ITIH6: variants seen among roughly 807,000 people sequenced by gnomAD.
ITIH6 encodes inter-alpha-trypsin inhibitor heavy chain family member 6, also known as inter-alpha-trypsin inhibitor heavy chain H6.
ITIH6 carries 60 observed loss-of-function variants against 58.2 expected under a neutral mutation model. The ratio of observed to expected loss-of-function variants is 1.03; its 90% CI spans 0.84 to 1.28. ITIH6 has a LOEUF of 1.28. Among genes scored for constraint, ITIH6 ranks in the 50% most tolerant of loss-of-function variants. The pLI, the probability that ITIH6 is intolerant of heterozygous loss-of-function variation, is 0.00. For missense variants in ITIH6, 1,290 were observed against 1,021.1 expected (o/e 1.26, Z -3.59); for synonymous variants, 493 against 417.4 (o/e 1.18, Z -2.21).
chrX:54,749,535 T>G lies in ITIH6; in HGVS notation c.*360A>C. 1 of 166,784 alleles carries G rather than the reference T, an allele frequency of 6.0e-6. No homozygotes were observed. The allele number at this position is 166,784 out of a possible 1,213,427, so 13.7% of individuals were successfully genotyped here. A position where few individuals can be genotyped will look rare whatever the true frequency, so the allele number is the denominator to read the frequency against. ...GTCCAGTGGTAGGAGTGAGCATGGT[T>G]TGTTAGGGAAACTCTGAGAGCCTTG... On this transcript the variant is annotated 3_prime_UTR_variant, in exon 13 of 13. Transcript: ENST00000218436.
chrX:54,750,926 A>G (rs532806724), intron 12 of ITIH6, 77 bp downstream of exon 12: 5 of 999,458 alleles, frequency 5.0e-6, no homozygotes, highest in South Asian at 2.5e-5. Context: ...TGTTGGGGAT[A>G]TACATGCCTT....
intron 2 of ITIH6, among the ~76,000 whole-genome samples, chrX:54,796,443 T>C (rs1300942007): frequency 9.0e-6 from 1 of 111,642 alleles, no homozygotes; most frequent in Non-Finnish European, 1.9e-5. Context: ...CCCAGCACTT[T>C]GGGAGGCCGA....
rs1436557229 is a variant in ITIH6, at chrX:54,750,068, G to A, written c.3769C>T (p.Pro1257Ser). ...QHADIRLVTG[P>S]MGPCLRRHHG... is the part of the protein sequence containing the mutation. The stretch of plus-strand genomic sequence containing the variant: ...TGCCTTCGTAAGCATGGCCCCATAG[G>A]TCCTGTCACCAGTCGGATGTCTGCG... The change falls in exon 13 of 13, where the codon CCT (proline) becomes TCT (serine). Residue 1257 changes from proline to serine, a missense_variant. Physicochemically the swap from Pro to Ser is moderately conservative, Grantham distance 74 (BLOSUM62 -1). Coordinates refer to ENST00000218436, the MANE Select transcript of ITIH6 (RefSeq NM_198510.3). 8.3e-7 allele frequency: 1 copy of A among 1,210,755 alleles called. No homozygotes were observed. The highest frequency in any genetic ancestry group is 1.1e-6 in the Non-Finnish European group (1 of 894,827).
rs1283556472 is a variant in ITIH6 at position 54,757,763 on chromosome X, G to A, written c.2311C>T (p.Pro771Ser). ...PPVKPGIPASPKADTVKCVTP... is the reference protein window; with the variant it reads ...PPVKPGIPASSKADTVKCVTP... ...ACACATTTCACAGTGTCAGCTTTGG[G>A]CGAGGCTGGGATGCCAGGTTTCACA... Residue 771 changes from proline to serine, a missense_variant, in exon 8 of 13, where the codon CCC becomes TCC. Coordinates refer to ENST00000218436, the MANE Select transcript of ITIH6 (RefSeq NM_198510.3). 1 of 1,209,772 alleles carries A rather than the reference G, an allele frequency of 8.3e-7. No homozygotes were observed. Among genetic ancestry groups the A allele is most frequent in the Non-Finnish European group, 1.1e-6 (1 of 895,177 alleles).
At chrX:54,752,858 G>A (rs1198789362) in intron 11 of ITIH6, among the ~76,000 whole-genome samples, 2 of 112,373 alleles carry the variant, frequency 1.8e-5, no homozygotes, top group African/African-American at 3.2e-5. Context: ...AGGTAGAAGT[G>A]GTTCATTCAA....
At chrX:54,751,878 G>T (rs1225023396) in intron 11 of ITIH6, among the ~76,000 whole-genome samples, 1 of 111,735 alleles carries the variant, frequency 8.9e-6, no homozygotes. Context: ...GTCATTGTTT[G>T]GCTTGGCAGG....
At chrX:54,763,460 C>T (rs1367409320) in intron 6 of ITIH6, among the ~76,000 whole-genome samples, 1 of 111,993 alleles carries the variant, frequency 8.9e-6, no homozygotes, top group Non-Finnish European at 1.9e-5. Flanking sequence ...TTTGAGATTT[C>T]CCAGCTATCT....
intron 6 of ITIH6, among the ~76,000 whole-genome samples, chrX:54,762,445 A>C (rs1928668077): frequency 9.0e-6 from 1 of 111,539 alleles, no homozygotes; most frequent in Non-Finnish European, 1.9e-5. Flanking sequence ...TTCTGCTGTA[A>C]TCTGCTCTTC....
At position 54,758,271 on chromosome X, in the gene ITIH6, A is replaced by G. The variant is rs1463627824; in HGVS notation, c.1803T>C (p.Phe601=). The part of the protein sequence containing the change: ...KVLNLSLEYN[F]VTPLTSLVMV... ...TGACCAGTGAAGTCAGAGGTGTGAC[A>G]AAGTTGTATTCAAGGGACAGGTTGA... The change falls in exon 8 of 13, where the codon TTT becomes TTC. Residue 601 remains phenylalanine, a synonymous_variant. Coordinates refer to ENST00000218436, the MANE Select transcript of ITIH6 (RefSeq NM_198510.3). 2.5e-6 allele frequency: 3 copies of G among 1,211,426 alleles called. No homozygotes were observed. Among genetic ancestry groups the G allele is most frequent in the Non-Finnish European group, 2.2e-6 (2 of 895,204 alleles).
intron 2 of ITIH6, among the ~76,000 whole-genome samples, chrX:54,792,684 G>C (rs1391848609): frequency 2.7e-5 from 3 of 111,668 alleles, no homozygotes; most frequent in African/African-American, 9.8e-5. Flanking sequence ...CTCAGAGACT[G>C]ATGAGTTACA....
Position 54,757,883 on chromosome X carries a change from AG to A in ITIH6, c.2190del (p.Ser731GlnfsTer9). The part of the protein sequence containing the change: ...TLRTKPTILV[P>X]SNSGTLLPLK... ...AGAGGCAACAGAGTACCAGAATTTG[AG>A]GGCACAAGAATGGTAGGTTTTGTCC... is the stretch of plus-strand genomic sequence containing the variant. On this transcript the variant is annotated frameshift_variant, in exon 8 of 13. Transcript: ENST00000218436. LOFTEE classifies it high-confidence loss of function. 1 of 1,211,425 alleles carries A rather than the reference AG, an allele frequency of 8.3e-7. No homozygotes were observed.
chrX:54,762,905 T>A (rs5961131), intron 6 of ITIH6, among the ~76,000 whole-genome samples: 10,931 of 111,189 alleles, frequency 0.098, 1,315 homozygotes, highest in African/African-American at 0.34. Context: ...GCACTGTGCT[T>A]AACCCTTTTG....
At position 54,759,822 on chromosome X, in the gene ITIH6, T is replaced by C; in HGVS notation, c.1009A>G (p.Ile337Val). 1 of 1,210,826 alleles carries C rather than the reference T, an allele frequency of 8.3e-7. No individual in the cohort carries two copies. The highest frequency in any genetic ancestry group is 2.2e-5 in the Admixed American group (1 of 46,049). The change falls in exon 7 of 13, where the codon ATC (isoleucine) becomes GTC (valine). Residue 337 changes from isoleucine to valine, a missense_variant. Transcript: ENST00000218436. ...TGGACATTCTGGATGGTGGCCTGGA[T>C]TGAGCCTCCAGCTTTCCAAACATTA... is the stretch of plus-strand genomic sequence containing the variant. ...TVNVWKAGGS[I>V]QATIQNVHSA...
intron 4 of ITIH6, 102 bp downstream of exon 4, chrX:54,790,735 T>C: frequency 9.7e-7 from 1 of 1,027,564 alleles, no homozygotes; most frequent in Non-Finnish European, 1.3e-6. Flanking sequence ...TGGCAGTGAG[T>C]ACAGAGCAGA....
Position 54,751,096 on chromosome X carries a change from G to T in ITIH6, c.3637C>A (p.Arg1213Ser). 8.3e-7 allele frequency: 1 copy of T among 1,205,615 alleles called. No individual in the cohort carries two copies. Among genetic ancestry groups the T allele is most frequent in the Non-Finnish European group, 1.1e-6 (1 of 892,463 alleles). Reference protein sequence around the residue: ...PYLEFLVLRHRYRHPSTLQLP... With the variant: ...PYLEFLVLRHSYRHPSTLQLP... ...TGCAGGGTACTGGGATGCCTGTAGC[G>T]GTGTCGGAGGACTAGGAACTCAAGG... The change falls in exon 12 of 13, where the codon CGC becomes AGC. Residue 1213 changes from arginine (R) to serine (S), a missense_variant. Coordinates refer to ENST00000218436, the MANE Select transcript of ITIH6 (RefSeq NM_198510.3).
intron 6 of ITIH6, among the ~76,000 whole-genome samples, chrX:54,764,546 G>T (rs1928726986): frequency 1.9e-5 from 2 of 106,201 alleles, no homozygotes; most frequent in Admixed American, 1.0e-4. Flanking sequence ...TACTGAGAAT[G>T]ATGGTTTCCA....
intron 6 of ITIH6, among the ~76,000 whole-genome samples, chrX:54,769,406 G>T (rs2147610284): frequency 9.9e-6 from 1 of 100,742 alleles, no homozygotes; most frequent in Admixed American, 1.1e-4. Context: ...ATCCAGCTTT[G>T]TTCCGTTGCT....
chrX:54,768,837 G>C (rs1233745273), intron 6 of ITIH6, among the ~76,000 whole-genome samples: 2 of 105,552 alleles, frequency 1.9e-5, no homozygotes, highest in Admixed American at 2.0e-4. Flanking sequence ...CAACTTTGGT[G>C]AGTCTGACAA....
intron 8 of ITIH6, among the ~76,000 whole-genome samples, chrX:54,756,316 T>C (rs1012343271): frequency 5.4e-5 from 6 of 111,525 alleles, no homozygotes; most frequent in Non-Finnish European, 7.5e-5. Context: ...TGAGTTCAAC[T>C]CTCTGACTAG....
Sources: allele counts gnomAD v4.1 joint callset (sites outside exome capture counted in the v4.1 genomes callset), GRCh38; gene constraint gnomAD v4.1.1; transcripts MANE v1.5; gene names NCBI Gene and HGNC (gene_info 2026-07-23, HGNC 2026-07-21).